The following BIRC6 variants were observed in gnomAD, a reference collection of about 807,000 sequenced individuals.
BIRC6 encodes dual E2 ubiquitin-conjugating enzyme/E3 ubiquitin-protein ligase BIRC6.
BIRC6 carries 98 observed loss-of-function variants against 503.3 expected under a neutral mutation model. The ratio of observed to expected loss-of-function variants is 0.19; its 90% CI spans 0.17 to 0.23. BIRC6 has a LOEUF of 0.23. Among genes scored for constraint, BIRC6 ranks in the 10% least tolerant of loss-of-function variants. The probability of loss-of-function intolerance (pLI) is 1.00; values close to 1 mark genes in which losing one functional copy is unlikely to be tolerated. For synonymous variants in BIRC6, 2,240 were observed against 2,078.7 expected (o/e 1.08, Z -2.11); for missense variants, 5,360 against 5,806.0 (o/e 0.92, Z 2.50).
intron 5 of BIRC6, among the ~76,000 whole-genome samples, chr2:32,394,255 G>A (rs1333442641): frequency 1.3e-5 from 2 of 151,352 alleles, no homozygotes; most frequent in East Asian, 3.9e-4. Context: ...TCTAGGAAAT[G>A]TTAGGGGCTG....
At chr2:32,388,001 A>T (rs1273999003) in intron 3 of BIRC6, among the ~76,000 whole-genome samples, 1 of 152,216 alleles carries the variant, frequency 6.6e-6, no homozygotes, top group Admixed American at 6.5e-5. Flanking sequence ...GAAAGATTAA[A>T]TTAAGCTAAT....
intron 46 of BIRC6, among the ~76,000 whole-genome samples, chr2:32,500,404 CCACCA>C (rs955669358): frequency 4.7e-5 from 7 of 148,494 alleles, no homozygotes; most frequent in Non-Finnish European, 1.0e-4. Context: ...TAGGTGCCTG[CCACCA>C]CACCCAGCTA....
intron 65 of BIRC6, among the ~76,000 whole-genome samples, chr2:32,556,539 A>G (rs1324515425): frequency 6.6e-6 from 1 of 152,194 alleles, no homozygotes; most frequent in Non-Finnish European, 1.5e-5. Flanking sequence ...TCTATGAAAC[A>G]TCCCAGTTAA....
At chr2:32,419,698 A>G (rs117446110) in intron 10 of BIRC6, among the ~76,000 whole-genome samples, 1 of 152,312 alleles carries the variant, frequency 6.6e-6, no homozygotes, top group East Asian at 1.9e-4. Flanking sequence ...AACAATACTG[A>G]ATATAAATAT....
In BIRC6 at chr2:32,515,295, A is replaced by T; in HGVS notation, c.10874A>T (p.Gln3625Leu). 1 of 1,613,914 alleles carries T rather than the reference A, an allele frequency of 6.2e-7. No homozygotes were observed. Among genetic ancestry groups the T allele is most frequent in the Non-Finnish European group, 8.5e-7 (1 of 1,179,888 alleles). The change falls in exon 55 of 74, where the codon CAA becomes CTA. Residue 3625 changes from glutamine (Q) to leucine (L), a missense_variant. Gln to Leu is a moderately radical substitution (Grantham distance 113). Around this residue, in one of 16 missense-constraint regions of BIRC6, gnomAD observed 878 missense variants for 928.9 expected, o/e 0.95. Coordinates refer to ENST00000421745, the MANE Select transcript of BIRC6 (RefSeq NM_016252.4). ...SSSQSPEAIK[Q>L]LLDSGLPSLL... ...TCTCAATCTCCTGAAGCTATTAAACAATTACTAGACTCAGGTTTGCCTTCT... is the reference window on the plus strand; with the variant it reads ...TCTCAATCTCCTGAAGCTATTAAACTATTACTAGACTCAGGTTTGCCTTCT...
At chr2:32,499,427 C>A in intron 45 of BIRC6, 120 bp from the exon 46 acceptor site, 1 of 866,856 alleles carries the variant, frequency 1.2e-6, no homozygotes, top group Non-Finnish European at 1.7e-6. Context: ...GTTTAACTTT[C>A]TTGTATTGTG....
In BIRC6 at chr2:32,471,119, T is replaced by C; in HGVS notation, c.6587T>C (p.Leu2196Ser). 6.4e-7 allele frequency: 1 copy of C among 1,566,182 alleles called. No homozygotes were observed. Among genetic ancestry groups the C allele is most frequent in the East Asian group, 2.3e-5 (1 of 43,000 alleles). The change falls in exon 32 of 74, where the codon TTG becomes TCG. Residue 2196 changes from leucine to serine, a missense_variant. Around this residue, in one of 16 missense-constraint regions of BIRC6, gnomAD observed 2,299 missense variants for 2,267.2 expected, o/e 1.01. Coordinates refer to ENST00000421745, the MANE Select transcript of BIRC6 (RefSeq NM_016252.4). ...GAAGCAGCAGCTGCAAAGAAACCTT[T>C]GAATGGTAAAGACAGGGAGAGGTTT... ...EDEAAAAKKPLNGNQWSFINN... is the reference protein window; with the variant it reads ...EDEAAAAKKPSNGNQWSFINN...
Position 32,357,188 on chromosome 2 carries a change from TC to T in BIRC6, c.30del (p.Thr12LeufsTer9). 1 of 1,539,384 alleles carries T rather than the reference TC, an allele frequency of 6.5e-7. No homozygotes were observed. Among genetic ancestry groups the T allele is most frequent in the Non-Finnish European group, 8.7e-7 (1 of 1,150,396 alleles). ...TGGTGACTGGTGGTGGTGCTGCACCTCCCGGGACTGTCACTGAGCCGCTTCC... is the reference window on the plus strand; with the variant it reads ...TGGTGACTGGTGGTGGTGCTGCACCTCCGGGACTGTCACTGAGCCGCTTCC... MVTGGGAAP[P>X]GTVTEPLPSV... On this transcript the variant is annotated frameshift_variant, in exon 1 of 74. Coordinates refer to ENST00000421745, the MANE Select transcript of BIRC6 (RefSeq NM_016252.4). LOFTEE classifies it high-confidence loss of function. This position sits in a 1 kb window ranked among gnomAD's most constrained non-coding sequence, Gnocchi z 4.9.
intron 49 of BIRC6, among the ~76,000 whole-genome samples, chr2:32,504,696 A>T (rs58852184): frequency 0.36 from 53,863 of 151,588 alleles, 10,287 homozygotes; most frequent in Non-Finnish European, 0.44. Context: ...AATAAATAAT[A>T]AAAAAAATTT....
chr2:32,397,687 T>C (rs1235385378), intron 6 of BIRC6, among the ~76,000 whole-genome samples: 1 of 119,198 alleles, frequency 8.4e-6, no homozygotes, highest in African/African-American at 3.2e-5. Flanking sequence ...CACACACATA[T>C]ATATGTACAC....
intron 29 of BIRC6, 37 bp downstream of exon 29, chr2:32,468,820 T>C (rs375880919): frequency 1.4e-5 from 20 of 1,441,178 alleles, no homozygotes; most frequent in Admixed American, 4.1e-5. Flanking sequence ...AGGCTGGGAA[T>C]ATACTTGATG....
intron 59 of BIRC6, among the ~76,000 whole-genome samples, chr2:32,526,259 T>C (rs1321828163): frequency 1.3e-5 from 2 of 152,170 alleles, no homozygotes; most frequent in African/African-American, 4.8e-5. Context: ...TTTTTGAGCA[T>C]GCCCGATTCC....
chr2:32,568,982 C>CTTTTTTTTT (rs199909930), intron 65 of BIRC6, among the ~76,000 whole-genome samples: 2 of 131,356 alleles, frequency 1.5e-5, no homozygotes, highest in African/African-American at 2.9e-5. Context: ...CCATGTCTCT[C>CTTTTTTTTT]TCTTTTTTTT....
At position 32,469,441 on chromosome 2, in the gene BIRC6, C is replaced by G. The variant is rs756225268; in HGVS notation, c.6174C>G (p.Ala2058=). 1 of 1,613,894 alleles carries G rather than the reference C, an allele frequency of 6.2e-7. No homozygotes were observed. The highest frequency in any genetic ancestry group is 8.5e-7 in the Non-Finnish European group (1 of 1,179,824). ...TGCAGAGCACATTTCATGCCCAGGC[C>G]TGTGAAGAGCTCTTTAAACACTTGT... The part of the protein sequence containing the change: ...AVLQSTFHAQ[A]CEELFKHLCI... Residue 2058 remains alanine, a synonymous_variant, in exon 30 of 74, where the codon GCC becomes GCG. Coordinates refer to ENST00000421745, the MANE Select transcript of BIRC6 (RefSeq NM_016252.4).
chr2:32,358,205 C>G (rs565560008), intron 1 of BIRC6, among the ~76,000 whole-genome samples: 43 of 152,310 alleles, frequency 2.8e-4, no homozygotes, highest in Non-Finnish European at 4.4e-4. Flanking sequence ...ACGAGAAAGT[C>G]AGGACCTGTG....
At chr2:32,453,611 C>G (rs1197407510) in intron 22 of BIRC6, among the ~76,000 whole-genome samples, 197 bp from the exon 23 acceptor site, 1 of 152,162 alleles carries the variant, frequency 6.6e-6, no homozygotes, top group Non-Finnish European at 1.5e-5. Flanking sequence ...TTATCCAAAT[C>G]TGCTTTTGTA....
intron 61 of BIRC6, among the ~76,000 whole-genome samples, chr2:32,540,204 A>T (rs1468963457): frequency 6.6e-6 from 1 of 152,042 alleles, no homozygotes; most frequent in Non-Finnish European, 1.5e-5. Flanking sequence ...CATTAATCCC[A>T]TGTTTCTCCA....
intron 62 of BIRC6, 28 bp downstream of exon 62, chr2:32,543,569 C>T (rs1176314206): frequency 6.3e-7 from 1 of 1,595,354 alleles, no homozygotes; most frequent in Admixed American, 1.7e-5. Context: ...AATTTATCAA[C>T]ACATATGTGA....
Position 32,593,946 on chromosome 2 carries a change from A to C in BIRC6, c.13387A>C (p.Lys4463Gln), listed in dbSNP as rs1262468229. ...AAGGGAAAATGTTAAAACAGGAGTAAAACCAGATGCGTCTGATCAAGAACC... is the reference window on the plus strand; with the variant it reads ...AAGGGAAAATGTTAAAACAGGAGTACAACCAGATGCGTCTGATCAAGAACC... Reference protein sequence around the residue: ...SKRENVKTGVKPDASDQEPEG... With the variant: ...SKRENVKTGVQPDASDQEPEG... Residue 4463 changes from lysine to glutamine, a missense_variant, in exon 67 of 74, where the codon AAA becomes CAA. Coordinates refer to ENST00000421745, the MANE Select transcript of BIRC6 (RefSeq NM_016252.4). The C allele has an allele frequency of 1.2e-6, 2 of 1,613,170 alleles. No individual in the cohort carries two copies. The highest frequency in any genetic ancestry group is 3.3e-5 in the Admixed American group (2 of 59,888).
Sources: gnomAD v4.1 joint callset for allele counts (sites outside exome capture counted in the v4.1 genomes callset) on GRCh38, gnomAD v4.1.1 for gene constraint, gnomAD v4.1.1 regional missense constraint, Gnocchi (gnomAD v3.1) non-coding constraint, MANE v1.5 for transcripts, NCBI Gene and HGNC (gene_info 2026-07-23, HGNC 2026-07-21) for gene names.